The following BAAT variants were observed in gnomAD, a reference collection of about 807,000 sequenced individuals.
BAAT encodes bile acid CoA: amino acid N-acyltransferase (glycine N-choloyltransferase).
In BAAT, 13 loss-of-function variants were observed where a neutral mutation model predicts 18.9. The ratio of observed to expected loss-of-function variants is 0.69; its 90% confidence interval spans 0.45 to 1.10. The LOEUF is 1.10. Among genes scored for constraint, BAAT ranks in the 50% least tolerant of loss-of-function variants. The pLI, the probability that BAAT is intolerant of heterozygous loss-of-function variation, is 0.00. For synonymous variants in BAAT, 170 were observed against 190.7 expected (o/e 0.89, Z 0.89); for missense variants, 489 against 504.0 (o/e 0.97, Z 0.28).
intron 3 of BAAT, among the ~76,000 whole-genome samples, chr9:101,366,447 G>C (rs1208220637): frequency 1.3e-5 from 2 of 152,144 alleles, no homozygotes; most frequent in Non-Finnish European, 2.9e-5. Context: ...CTGCAGAAGA[G>C]ACAATGTGAA....
rs1046427884 is a variant in BAAT, at chr9:101,361,604, T to C, written c.*824A>G. ...CTAACATGACTGAAGAAATTCATTA[T>C]GGAAGTACAGTGATAGTTGACCCAA... On this transcript the variant is annotated 3_prime_UTR_variant, in exon 4 of 4. Transcript: ENST00000259407. 5 of 152,716 alleles carry C rather than the reference T, an allele frequency of 3.3e-5. No homozygotes were observed. The highest frequency in any genetic ancestry group is 6.5e-5 in the Admixed American group (1 of 15,278). The allele number at this position is 152,716 out of a possible 1,614,324, so 9.5% of individuals were successfully genotyped here.
intron 1 of BAAT, among the ~76,000 whole-genome samples, chr9:101,379,540 G>A (rs1457898217): frequency 1.3e-5 from 2 of 152,200 alleles, no homozygotes; most frequent in Non-Finnish European, 1.5e-5. Flanking sequence ...CAAGCATAAT[G>A]AGACTAAAAT....
intron 3 of BAAT, among the ~76,000 whole-genome samples, chr9:101,363,841 C>A (rs534273378): frequency 6.6e-6 from 1 of 152,098 alleles, no homozygotes; most frequent in Non-Finnish European, 1.5e-5. Context: ...TAGTGAGACC[C>A]TATCTCTACA....
chr9:101,369,168 A>G (rs141065799), intron 2 of BAAT, among the ~76,000 whole-genome samples: 61 of 152,288 alleles, frequency 4.0e-4, no homozygotes, highest in Middle Eastern at 3.4e-3. Context: ...GGGATATTCT[A>G]TTCTTTTATA....
Position 101,368,270 on chromosome 9 carries a change from C to T in BAAT, c.519G>A (p.Leu173=). The change falls in exon 3 of 4, where the codon CTG becomes CTA. Residue 173 remains leucine (L), a synonymous_variant. Coordinates refer to ENST00000259407, the MANE Select transcript of BAAT (RefSeq NM_001701.4). Reference sequence around the variant, plus strand: ...CTAGGAGGCTGGCCCGAAATTCAAGCAGCCCACCCAAACCACCAAACAAAT... The same window carrying T: ...CTAGGAGGCTGGCCCGAAATTCAAGTAGCCCACCCAAACCACCAAACAAAT... ...VIDLFGGLGG[L]LEFRASLLAS... is the part of the protein sequence containing the mutation. 6.2e-7 allele frequency: 1 copy of T among 1,613,374 alleles called. No individual in the cohort carries two copies. Among genetic ancestry groups the T allele is most frequent in the Non-Finnish European group, 8.5e-7 (1 of 1,180,008 alleles).
chr9:101,372,912 GTCTTTC>G (rs1249454294), intron 1 of BAAT, among the ~76,000 whole-genome samples: 6 of 152,194 alleles, frequency 3.9e-5, no homozygotes, highest in Non-Finnish European at 8.8e-5. Flanking sequence ...CACAGAGTAA[GTCTTTC>G]TCTATCTGCC....
At chr9:101,379,645 C>T (rs1830100722) in intron 1 of BAAT, among the ~76,000 whole-genome samples, 2 of 152,176 alleles carry the variant, frequency 1.3e-5, no homozygotes, top group African/African-American at 4.8e-5. Context: ...CTATTGTACA[C>T]CCATGATTAG....
chr9:101,362,362 T>C lies in BAAT; in HGVS notation c.*66A>G. The C allele has an allele frequency of 6.6e-7, 1 of 1,520,202 alleles. No individual in the cohort carries two copies. Among genetic ancestry groups the C allele is most frequent in the Non-Finnish European group, 9.1e-7 (1 of 1,103,738 alleles). The allele number at this position is 1,520,202 out of a possible 1,614,324, so 94.2% of individuals were successfully genotyped here. A position where few individuals can be genotyped will look rare whatever the true frequency, so the allele number is the denominator to read the frequency against. On this transcript the variant is annotated 3_prime_UTR_variant, in exon 4 of 4. Coordinates refer to ENST00000259407, the MANE Select transcript of BAAT (RefSeq NM_001701.4). Reference sequence around the variant, plus strand: ...GGCAGCTGGGGGAGACATTCCGCCATGAAAATTGAGAGAAGGTCCCGGTAA... The same window carrying C: ...GGCAGCTGGGGGAGACATTCCGCCACGAAAATTGAGAGAAGGTCCCGGTAA...
At chr9:101,369,094 G>A (rs924292959) in intron 2 of BAAT, among the ~76,000 whole-genome samples, 5 of 152,200 alleles carry the variant, frequency 3.3e-5, no homozygotes, top group African/African-American at 1.2e-4. Flanking sequence ...ACTCTGTATA[G>A]GCAGCTTTTT....
At chr9:101,369,451 T>G (rs1829889345) in intron 2 of BAAT, among the ~76,000 whole-genome samples, 1 of 152,214 alleles carries the variant, frequency 6.6e-6, no homozygotes, top group South Asian at 2.1e-4. Context: ...ATTTGTGATC[T>G]GACTCAACCT....
At chr9:101,376,125 G>GTTT (rs11420217) in intron 1 of BAAT, 7 of 155,690 alleles carry the variant, frequency 4.5e-5, no homozygotes, top group Non-Finnish European at 2.9e-5. Context: ...TGGCTGGAAT[G>GTTT]TTTTTTTTTT....
chr9:101,381,506 A>G (rs1478354924), intron 1 of BAAT, among the ~76,000 whole-genome samples: 2 of 152,202 alleles, frequency 1.3e-5, no homozygotes, highest in Non-Finnish European at 2.9e-5. Context: ...AGCTGACTCC[A>G]CCTTGGGTGA....
chr9:101,369,054 T>C (rs1346332548), intron 2 of BAAT, among the ~76,000 whole-genome samples: 2 of 152,132 alleles, frequency 1.3e-5, no homozygotes, highest in Non-Finnish European at 2.9e-5. Flanking sequence ...TGGTAAAAAG[T>C]AGGGACGGCC....
intron 1 of BAAT, chr9:101,375,600 G>T: frequency 6.0e-6 from 1 of 165,514 alleles, no homozygotes; most frequent in East Asian, 1.6e-4. Flanking sequence ...TCCAAAGATA[G>T]AGTCAAAATT....
chr9:101,374,931 C>T (rs1830013919), intron 1 of BAAT, among the ~76,000 whole-genome samples: 1 of 152,104 alleles, frequency 6.6e-6, no homozygotes, highest in Admixed American at 6.5e-5. Flanking sequence ...ACTCTTCAAG[C>T]AATTCAATTT....
chr9:101,362,676 C>T lies in BAAT; in HGVS notation c.1009G>A (p.Ala337Thr), dbSNP rs200963286. Residue 337 changes from alanine (A) to threonine (T), a missense_variant, in exon 4 of 4, where the codon GCT becomes ACT. Ala to Thr is a moderately conservative substitution (Grantham distance 58). Coordinates refer to ENST00000259407, the MANE Select transcript of BAAT (RefSeq NM_001701.4). ...GDKTINSKAH[A>T]EQAIGQLKRH... ...TTCAGCTGTCCTATGGCTTGTTCAG[C>T]GTGTGCTTTGCTGTTGATAGTCTTA... 95 of 1,614,120 alleles carry T rather than the reference C, an allele frequency of 5.9e-5. No individual in the cohort carries two copies. In the Middle Eastern group the frequency reaches 6.6e-4, roughly 11 times the overall value.
chr9:101,366,057 G>T (rs1829821090), intron 3 of BAAT, among the ~76,000 whole-genome samples: 1 of 152,032 alleles, frequency 6.6e-6, no homozygotes, highest in Non-Finnish European at 1.5e-5. Flanking sequence ...ACCATGCTGT[G>T]CAACAGATCA....
intron 2 of BAAT, 56 bp downstream of exon 2, chr9:101,370,883 T>C: frequency 6.4e-7 from 1 of 1,555,082 alleles, no homozygotes; most frequent in Non-Finnish European, 8.9e-7. Flanking sequence ...TCTAGACGGA[T>C]AATGTATTTA....
chr9:101,367,985 G>A (rs1829859940), intron 3 of BAAT, 135 bp downstream of exon 3: 1 of 906,882 alleles, frequency 1.1e-6, no homozygotes, highest in Non-Finnish European at 1.7e-6. Flanking sequence ...AAAGGCACTG[G>A]CTTCTGGCCA....
Sources: gnomAD v4.1 joint callset for allele counts (sites outside exome capture counted in the v4.1 genomes callset) on GRCh38, gnomAD v4.1.1 for gene constraint, MANE v1.5 for transcripts, NCBI Gene and HGNC (gene_info 2026-07-23, HGNC 2026-07-21) for gene names.